The following MACROD2 variants were observed in gnomAD, a reference collection of about 807,000 sequenced individuals.
MACROD2 encodes mono-ADP ribosylhydrolase 2.
MACROD2 carries 36 observed loss-of-function variants against 70.4 expected under a neutral mutation model. The ratio of observed to expected loss-of-function variants is 0.51; its 90% CI spans 0.39 to 0.68. MACROD2 has a LOEUF of 0.68. Among genes scored for constraint, MACROD2 ranks in the 30% least tolerant of loss-of-function variants. The pLI is 0.00. For synonymous variants in MACROD2, 172 were observed against 178.8 expected, an observed-to-expected ratio of 0.96 and a Z score of 0.30; for missense variants, 496 against 538.4, an observed-to-expected ratio of 0.92 and a Z score of 0.78.
chr20:15,885,054 A>T (rs2064805170), intron 9 of MACROD2, among the ~76,000 whole-genome samples: 1 of 152,132 alleles, frequency 6.6e-6, no homozygotes, highest in Non-Finnish European at 1.5e-5. Context: ...GATTAAGCAT[A>T]TGAATTTTGG....
At chr20:15,925,493 A>G (rs142337952) in intron 10 of MACROD2, among the ~76,000 whole-genome samples, 40 of 152,330 alleles carry the variant, frequency 2.6e-4, no homozygotes, top group African/African-American at 9.4e-4. Flanking sequence ...TTAAGAGGCT[A>G]TGTGTGGTAT....
Position 14,247,911 on chromosome 20 carries a change from T to TA in MACROD2, c.271+162191dup, listed in dbSNP as rs896879766. ...ACTGCTTCTTATGTTTTTTCTTACC[T>TA]AAAAAAAATGCTGTTTACAGTAGCC... On this transcript the variant is annotated intron_variant, in intron 3 of 17. Transcript: ENST00000684519. 4.7e-4 allele frequency among the ~76,000 whole-genome samples: 72 copies of TA among 152,016 alleles called. 1 individual carries two copies. Among genetic ancestry groups the TA allele is most frequent in the African/African-American group, 1.6e-3 (67 of 41,490 alleles).
Position 14,001,841 on chromosome 20 carries a change from C to T in MACROD2, c.47-447C>T, listed in dbSNP as rs535286322. On this transcript the variant is annotated intron_variant, in intron 1 of 17. Transcript: ENST00000684519. ...CACACTTTCAAACAACCAGATCTCA[C>T]GAAAACTCACTATCTTGAGGCTAGC... is the stretch of plus-strand genomic sequence containing the variant. Among the ~76,000 whole-genome samples the T allele has an allele frequency of 1.1e-4, 16 of 152,236 alleles. No individual in the cohort carries two copies. In the South Asian group the frequency reaches 2.5e-3, roughly 24 times the overall value.
At chr20:14,094,873 C>T (rs1428120036) in intron 3 of MACROD2, among the ~76,000 whole-genome samples, 2 of 152,128 alleles carry the variant, frequency 1.3e-5, no homozygotes, top group African/African-American at 4.8e-5. Context: ...AGTCTCTTGC[C>T]ACTGACCTGC....
chr20:15,737,308 G>T (rs1451043245), intron 8 of MACROD2, among the ~76,000 whole-genome samples: 1 of 152,228 alleles, frequency 6.6e-6, no homozygotes, highest in Non-Finnish European at 1.5e-5. Context: ...AGGAAATCAA[G>T]ATGTGAGTTA....
intron 6 of MACROD2, among the ~76,000 whole-genome samples, chr20:15,374,651 A>G (rs181631728): frequency 2.0e-4 from 30 of 152,204 alleles, no homozygotes; most frequent in African/African-American, 7.0e-4. Flanking sequence ...CTGAAAGAAT[A>G]GAGTGCCACT....
chr20:14,118,926 A>G (rs1364553909), intron 3 of MACROD2, among the ~76,000 whole-genome samples: 1 of 140,552 alleles, frequency 7.1e-6, no homozygotes, highest in Non-Finnish European at 1.5e-5. Context: ...GCTCACTGCC[A>G]CCTCTGCCTC....
chr20:14,606,211 G>T (rs1252452570), intron 4 of MACROD2, among the ~76,000 whole-genome samples: 2 of 152,108 alleles, frequency 1.3e-5, no homozygotes, highest in African/African-American at 4.8e-5. Context: ...AGTTTGAAAA[G>T]TGGGCTTTAG....
At chr20:15,144,170 G>A (rs1270664419) in intron 5 of MACROD2, among the ~76,000 whole-genome samples, 1 of 151,956 alleles carries the variant, frequency 6.6e-6, no homozygotes, top group African/African-American at 2.4e-5. Flanking sequence ...TGTCCAGGCT[G>A]GTCTCAAACT....
intron 5 of MACROD2, among the ~76,000 whole-genome samples, chr20:14,751,961 C>T (rs1176557616): frequency 6.6e-6 from 1 of 151,908 alleles, no homozygotes; most frequent in Non-Finnish European, 1.5e-5. Context: ...TAGGAAATAC[C>T]CTCTTCCTGT....
chr20:14,100,756 T>A (rs2054290851), intron 3 of MACROD2, among the ~76,000 whole-genome samples: 1 of 139,482 alleles, frequency 7.2e-6, no homozygotes, highest in African/African-American at 2.6e-5. Context: ...ATATAATATA[T>A]AAAAATATAA....
intron 10 of MACROD2, among the ~76,000 whole-genome samples, chr20:15,895,977 T>C (rs1315002080): frequency 6.6e-6 from 1 of 152,246 alleles, no homozygotes; most frequent in Non-Finnish European, 1.5e-5. Context: ...TGTCTCTGAA[T>C]TCATGCATTG....
chr20:14,178,927 C>G (rs1569193351), intron 3 of MACROD2, among the ~76,000 whole-genome samples: 1 of 152,020 alleles, frequency 6.6e-6, no homozygotes, highest in Non-Finnish European at 1.5e-5. Flanking sequence ...GCAAAAGCTA[C>G]CAAGCATTCC....
chr20:14,639,479 T>C (rs1984974474), intron 4 of MACROD2, among the ~76,000 whole-genome samples: 1 of 152,206 alleles, frequency 6.6e-6, no homozygotes, highest in Non-Finnish European at 1.5e-5. Context: ...ATAATCTTTC[T>C]GTTAATCACC....
intron 5 of MACROD2, among the ~76,000 whole-genome samples, chr20:15,204,601 T>A (rs187127832): frequency 5.9e-5 from 9 of 152,304 alleles, no homozygotes; most frequent in African/African-American, 2.2e-4. Context: ...AAACTAATTT[T>A]AAAATGCTCC....
chr20:15,970,504 G>T (rs1302188004), intron 13 of MACROD2, among the ~76,000 whole-genome samples: 1 of 152,116 alleles, frequency 6.6e-6, no homozygotes, highest in Non-Finnish European at 1.5e-5. Flanking sequence ...AGTGGCCCCT[G>T]AGAGTCAGGA....
intron 5 of MACROD2, among the ~76,000 whole-genome samples, chr20:14,712,961 C>T (rs1048017342): frequency 6.6e-6 from 1 of 151,948 alleles, no homozygotes; most frequent in African/African-American, 2.4e-5. Context: ...TAATTTCCAA[C>T]ATCTTGTTGT....
intron 6 of MACROD2, among the ~76,000 whole-genome samples, chr20:15,234,780 A>T (rs747112989): frequency 2.0e-5 from 3 of 152,200 alleles, no homozygotes; most frequent in African/African-American, 4.8e-5. Context: ...ACAAGAAAGA[A>T]AAATTTCTAT....
intron 2 of MACROD2, among the ~76,000 whole-genome samples, chr20:14,026,228 A>G (rs915043590): frequency 2.0e-5 from 3 of 152,110 alleles, no homozygotes; most frequent in Non-Finnish European, 2.9e-5. Flanking sequence ...TTTTGAGTCT[A>G]TGTGTGTCTT....
Sources: gnomAD v4.1 joint callset for allele counts (sites outside exome capture counted in the v4.1 genomes callset) on GRCh38, gnomAD v4.1.1 for gene constraint, MANE v1.5 for transcripts, NCBI Gene and HGNC (gene_info 2026-07-23, HGNC 2026-07-21) for gene names.